Variants in DACH2 observed in about 807,000 individuals in gnomAD.
DACH2 encodes dachshund homolog 2.
In DACH2, 17 loss-of-function variants were observed where a neutral mutation model predicts 35.8. The observed-to-expected ratio is 0.48, with a 90% CI of 0.33 to 0.71. The LOEUF (loss-of-function observed/expected upper bound fraction) is 0.71, where lower values mean the gene tolerates loss of function less well. Ranked by LOEUF, DACH2 falls within the 30% of genes least tolerant of loss-of-function variation. The pLI, the probability that DACH2 is intolerant of heterozygous loss-of-function variation, is 0.02. For synonymous variants in DACH2, 195 were observed against 177.3 expected (o/e 1.10, Z -0.79); for missense variants, 469 against 472.7 (o/e 0.99, Z 0.07).
chrX:86,699,307 C>A (rs2041111836), intron 5 of DACH2, among the ~76,000 whole-genome samples: 1 of 112,148 alleles, frequency 8.9e-6, no homozygotes, highest in African/African-American at 3.2e-5. Context: ...ATGGATTAGT[C>A]CATTTTCACA....
intron 3 of DACH2, among the ~76,000 whole-genome samples, chrX:86,642,082 T>G (rs902207184): frequency 1.8e-5 from 2 of 111,738 alleles, no homozygotes; most frequent in Non-Finnish European, 3.8e-5. Flanking sequence ...AACAGCATAA[T>G]GACAATATCA....
intron 1 of DACH2, chrX:86,161,081 C>A: frequency 1.8e-6 from 2 of 1,081,958 alleles, no homozygotes; most frequent in East Asian, 3.0e-5. Context: ...CAGAAATTGG[C>A]ACAAATGCTA....
At chrX:86,401,424 C>G (rs898615505) in intron 2 of DACH2, among the ~76,000 whole-genome samples, 1 of 112,050 alleles carries the variant, frequency 8.9e-6, no homozygotes, top group Non-Finnish European at 1.9e-5. Context: ...GAGATGAACC[C>G]GGTACCTCAG....
intron 5 of DACH2, among the ~76,000 whole-genome samples, chrX:86,702,809 A>C (rs1229993833): frequency 9.0e-6 from 1 of 111,478 alleles, no homozygotes; most frequent in Non-Finnish European, 1.9e-5. Flanking sequence ...ACAAAAGCCC[A>C]GGGCTAGATG....
chrX:86,157,426 C>T (rs1319824399), intron 1 of DACH2, among the ~76,000 whole-genome samples: 1 of 111,440 alleles, frequency 9.0e-6, no homozygotes, highest in Non-Finnish European at 1.9e-5. Flanking sequence ...AAATGGGCAA[C>T]AGCCTGAACA....
At chrX:86,166,079 T>G (rs1450019121) in intron 1 of DACH2, among the ~76,000 whole-genome samples, 1 of 111,639 alleles carries the variant, frequency 9.0e-6, no homozygotes, top group African/African-American at 3.3e-5. Context: ...GCACTCTTTA[T>G]TGAAGAGATC....
chrX:86,813,322 G>A (rs757468052), intron 9 of DACH2, 45 bp downstream of exon 9: 43 of 1,100,056 alleles, frequency 3.9e-5, no homozygotes, highest in African/African-American at 5.7e-5. Flanking sequence ...TATGTTGGGG[G>A]TATTTTCAAT....
At chrX:86,509,918 T>A (rs370124686) in intron 2 of DACH2, among the ~76,000 whole-genome samples, 1 of 111,923 alleles carries the variant, frequency 8.9e-6, no homozygotes, top group African/African-American at 3.2e-5. Flanking sequence ...TGGTAATGGC[T>A]TTCACTTCAG....
At chrX:86,824,869 G>C (rs1414655715) in intron 11 of DACH2, among the ~76,000 whole-genome samples, 3 of 111,547 alleles carry the variant, frequency 2.7e-5, no homozygotes, top group Non-Finnish European at 5.6e-5. Context: ...AACCTTCTAT[G>C]GGAAATGTTG....
intron 7 of DACH2, among the ~76,000 whole-genome samples, chrX:86,789,128 A>T (rs954747894): frequency 1.8e-5 from 2 of 112,320 alleles, no homozygotes; most frequent in Admixed American, 1.9e-4. Context: ...AACTATGATT[A>T]CTGATTCATG....
intron 1 of DACH2, among the ~76,000 whole-genome samples, chrX:86,208,910 T>C (rs1014593342): frequency 4.5e-5 from 5 of 111,644 alleles, no homozygotes; most frequent in Non-Finnish European, 9.4e-5. Flanking sequence ...ACTATTGCTT[T>C]AGGTACAGTG....
rs752051526 is a variant in DACH2 at position 86,826,681 on chromosome X, A to T, written c.1751-5425A>T. 2.7e-4 allele frequency among the ~76,000 whole-genome samples: 30 copies of T among 112,184 alleles called. No individual in the cohort carries two copies. In the South Asian group the frequency reaches 0.011, roughly 40 times the overall value. ...ACTACTGTCACTTCTTTGATTTGAG[A>T]ATATCATGTTCTGAACATATTTCCA... On this transcript the variant is annotated intron_variant, in intron 11 of 11. Transcript: ENST00000373125.
At chrX:86,474,269 C>T (rs1007442684) in intron 2 of DACH2, among the ~76,000 whole-genome samples, 1 of 111,645 alleles carries the variant, frequency 9.0e-6, no homozygotes, top group Non-Finnish European at 1.9e-5. Flanking sequence ...TTATTAATCC[C>T]TTATCAGATG....
chrX:86,593,268 T>C (rs979732585), intron 3 of DACH2, among the ~76,000 whole-genome samples: 1 of 110,262 alleles, frequency 9.1e-6, no homozygotes. Context: ...CATCTATTAA[T>C]TTTATCATAT....
intron 3 of DACH2, among the ~76,000 whole-genome samples, chrX:86,637,206 CAAAAAAAAAAAAAAAAAAAAAAAA>C (rs772970002): frequency 3.9e-4 from 3 of 7,763 alleles, no homozygotes; most frequent in Non-Finnish European, 7.1e-4. Context: ...ACTGAAAAGC[CAAAAAAAAAAAAAAAAAAAAAAAA>C]AAAAAAAAAA....
chrX:86,181,342 C>T (rs769457394), intron 1 of DACH2, among the ~76,000 whole-genome samples: 7 of 110,721 alleles, frequency 6.3e-5, no homozygotes, highest in Non-Finnish European at 1.3e-4. Context: ...CCTAGCCTCC[C>T]AACCCCCGAC....
chrX:86,763,602 C>T (rs1358916668), intron 7 of DACH2, among the ~76,000 whole-genome samples: 9 of 111,205 alleles, frequency 8.1e-5, no homozygotes, highest in Non-Finnish European at 1.5e-4. Context: ...TACAGGCTCC[C>T]GCCACCACGC....
At chrX:86,680,397 T>C (rs1056325710) in intron 4 of DACH2, among the ~76,000 whole-genome samples, 2 of 111,775 alleles carry the variant, frequency 1.8e-5, no homozygotes, top group Non-Finnish European at 3.8e-5. Context: ...ATCCAATGTT[T>C]GATACTTTTC....
chrX:86,317,036 G>C (rs2034924531), intron 1 of DACH2, among the ~76,000 whole-genome samples: 2 of 104,730 alleles, frequency 1.9e-5, no homozygotes, highest in Admixed American at 2.1e-4. Context: ...ATAACTGCTT[G>C]AACCCGGGAG....
Sources: gnomAD v4.1 joint callset for allele counts (sites outside exome capture counted in the v4.1 genomes callset) on GRCh38, gnomAD v4.1.1 for gene constraint, MANE v1.5 for transcripts, NCBI Gene and HGNC (gene_info 2026-07-23, HGNC 2026-07-21) for gene names.